ANKRD11: variants seen among roughly 807,000 people sequenced by gnomAD.
The protein encoded by ANKRD11 is ankyrin repeat domain 11.
Under a neutral mutation model 195.7 loss-of-function variants are expected in ANKRD11, and 17 were observed. That is an observed-to-expected ratio of 0.09 (90% CI 0.06 to 0.13). The LOEUF (loss-of-function observed/expected upper bound fraction) is 0.13. Among genes scored for constraint, ANKRD11 ranks in the 10% least tolerant of loss-of-function variants. The pLI is 1.00. For missense variants in ANKRD11, 3,735 were observed against 3,566.1 expected (o/e 1.05, Z -1.21); for synonymous variants, 1,953 against 1,528.1 (o/e 1.28, Z -6.49).
intron 1 of ANKRD11, among the ~76,000 whole-genome samples, chr16:89,470,571 T>C (rs1477366231): frequency 1.3e-5 from 2 of 152,130 alleles, no homozygotes; most frequent in African/African-American, 4.8e-5. Flanking sequence ...AGCAGCCAGG[T>C]GCGATGGCTC....
intron 1 of ANKRD11, among the ~76,000 whole-genome samples, chr16:89,485,530 G>A (rs2057584331): frequency 6.6e-6 from 1 of 152,084 alleles, no homozygotes; most frequent in Non-Finnish European, 1.5e-5. Flanking sequence ...AGCTAGAATA[G>A]TATCTGAATG....
chr16:89,312,479 C>T (rs998867121), intron 3 of ANKRD11, among the ~76,000 whole-genome samples: 1 of 152,204 alleles, frequency 6.6e-6, no homozygotes, highest in African/African-American at 2.4e-5. Context: ...ATGGTAGGAG[C>T]TGGCGGGCCA....
At chr16:89,429,185 C>T (rs1203758703) in intron 1 of ANKRD11, among the ~76,000 whole-genome samples, 2 of 133,316 alleles carry the variant, frequency 1.5e-5, no homozygotes, top group South Asian at 2.6e-4. Flanking sequence ...TCTCAACTCT[C>T]ACGCTCAGAC....
At chr16:89,375,056 T>A (rs1027046668) in intron 2 of ANKRD11, among the ~76,000 whole-genome samples, 1 of 152,100 alleles carries the variant, frequency 6.6e-6, no homozygotes, top group Non-Finnish European at 1.5e-5. Context: ...AGACTGTACA[T>A]GGCATCGTTC....
chr16:89,454,167 C>T (rs543216663), intron 1 of ANKRD11, among the ~76,000 whole-genome samples: 235 of 152,266 alleles, frequency 1.5e-3, no homozygotes, highest in African/African-American at 5.5e-3. Flanking sequence ...CAACGACAGC[C>T]GCGCCACAAC....
At chr16:89,450,300 AC>A (rs530120132) in intron 1 of ANKRD11, among the ~76,000 whole-genome samples, 2 of 152,090 alleles carry the variant, frequency 1.3e-5, no homozygotes, top group African/African-American at 4.8e-5. Flanking sequence ...TAAGACATTC[AC>A]CCCCCATTTT....
intron 9 of ANKRD11, among the ~76,000 whole-genome samples, chr16:89,277,191 C>T (rs1046737137): frequency 6.6e-6 from 1 of 152,214 alleles, no homozygotes. Context: ...TGGGGCCCGT[C>T]GGTGGCAGGG....
chr16:89,439,968 G>A (rs890182998), intron 1 of ANKRD11, among the ~76,000 whole-genome samples: 2 of 152,218 alleles, frequency 1.3e-5, no homozygotes. Context: ...TCTCACAGGT[G>A]TGGGGTCTGA....
At chr16:89,441,767 C>CCAAAAAAA (rs2043503605) in intron 1 of ANKRD11, among the ~76,000 whole-genome samples, 1 of 52,372 alleles carries the variant, frequency 1.9e-5, no homozygotes, top group Non-Finnish European at 3.2e-5. Context: ...ACTCCGCCTA[C>CCAAAAAAA]AAAAAAAAAA....
At chr16:89,488,179 T>C (rs1212711333) in intron 1 of ANKRD11, among the ~76,000 whole-genome samples, 5 of 152,132 alleles carry the variant, frequency 3.3e-5, no homozygotes, top group Admixed American at 3.3e-4. Context: ...CAAGTTTAGG[T>C]CAAATTTAGC....
At chr16:89,365,635 T>G (rs1280815057) in intron 2 of ANKRD11, among the ~76,000 whole-genome samples, 1 of 152,214 alleles carries the variant, frequency 6.6e-6, no homozygotes, top group Admixed American at 6.5e-5. Context: ...GGAAGAGCAG[T>G]AAGCCAAGTA....
intron 2 of ANKRD11, among the ~76,000 whole-genome samples, chr16:89,394,983 T>A (rs2041361719): frequency 6.6e-6 from 1 of 152,206 alleles, no homozygotes; most frequent in South Asian, 2.1e-4. Flanking sequence ...TAAAAAGATC[T>A]CCAAACCAGC....
Position 89,268,622 on chromosome 16 carries a change from C to G in ANKRD11, c.7848G>C (p.Leu2616=), listed in dbSNP as rs773162819. The change falls in exon 13 of 13, where the codon CTG becomes CTC. Residue 2616 remains leucine, a synonymous_variant. Transcript: ENST00000301030. ...GCCACTCCATCCTCTGCACGGCGTT[C>G]AGGGCCGCGGCCTCGTGCTGCTGCC... ...LMRQQHEAAA[L]NAVQRMEWQL... is the part of the protein sequence containing the mutation. 14 of 1,567,644 alleles carry G rather than the reference C, an allele frequency of 8.9e-6. No homozygotes were observed. The African/African-American group carries it at 1.9e-4, about 21-fold the overall frequency.
Position 89,397,007 on chromosome 16 carries a change from T to C in ANKRD11, c.-60+21277A>G, listed in dbSNP as rs115679770. On this transcript the variant is annotated intron_variant, in intron 2 of 12. Transcript: ENST00000301030. ...ACTTGACCAGATCACTAATTTTTTA[T>C]ACTGGAAAATACAGGATTTTTTTTT... Among the ~76,000 whole-genome samples, 3 of 151,970 alleles carry C rather than the reference T, an allele frequency of 2.0e-5. No homozygotes were observed. In the East Asian group the frequency reaches 5.8e-4, roughly 30 times the overall value.
intron 2 of ANKRD11, among the ~76,000 whole-genome samples, chr16:89,400,016 T>G (rs2041629545): frequency 6.8e-6 from 1 of 147,956 alleles, no homozygotes; most frequent in South Asian, 2.2e-4. Flanking sequence ...GCCCCAGGCT[T>G]CCCTGCGCTG....
chr16:89,417,500 T>C (rs2042355197), intron 2 of ANKRD11, among the ~76,000 whole-genome samples: 1 of 152,046 alleles, frequency 6.6e-6, no homozygotes, highest in Non-Finnish European at 1.5e-5. Flanking sequence ...CCAAAGTCTT[T>C]TTGGAGACTG....
chr16:89,330,711 G>C (rs184160500), intron 2 of ANKRD11, among the ~76,000 whole-genome samples: 1 of 136,328 alleles, frequency 7.3e-6, no homozygotes, highest in Admixed American at 8.1e-5. Flanking sequence ...TCTTGTATCG[G>C]AAGTCCCACG....
At position 89,281,376 on chromosome 16, in the gene ANKRD11, G is replaced by T; in HGVS notation, c.5166C>A (p.Pro1722=). ...CATCGGCGCTGCAGGACGGGGTCCTGGGCGTGTGCATCACCTCCTCGTAGC... is the reference window on the plus strand; with the variant it reads ...CATCGGCGCTGCAGGACGGGGTCCTTGGCGTGTGCATCACCTCCTCGTAGC... ...CPSYEEVMHT[P]RTPSCSADDY... Residue 1722 remains proline, a synonymous_variant, in exon 9 of 13, where the codon CCC becomes CCA. Coordinates refer to ENST00000301030, the MANE Select transcript of ANKRD11 (RefSeq NM_013275.6). This position sits in a 1 kb window ranked among gnomAD's most constrained non-coding sequence, Gnocchi z 5.5. 1 of 1,609,748 alleles carries T rather than the reference G, an allele frequency of 6.2e-7. No homozygotes were observed. The highest frequency in any genetic ancestry group is 1.1e-5 in the South Asian group (1 of 90,904).
chr16:89,449,992 A>G (rs545863621), intron 1 of ANKRD11, among the ~76,000 whole-genome samples: 5 of 152,290 alleles, frequency 3.3e-5, no homozygotes, highest in African/African-American at 1.2e-4. Flanking sequence ...GCCCTGCCTA[A>G]GCACTGGGGA....
Sources: gnomAD v4.1 joint callset for allele counts (sites outside exome capture counted in the v4.1 genomes callset) on GRCh38, gnomAD v4.1.1 for gene constraint, Gnocchi (gnomAD v3.1) non-coding constraint, MANE v1.5 for transcripts, NCBI Gene and HGNC (gene_info 2026-07-23, HGNC 2026-07-21) for gene names.